Variants in FBXL7 observed in about 807,000 individuals in gnomAD.
FBXL7 encodes F-box and leucine rich repeat protein 7.
A neutral mutation model predicts 38.3 loss-of-function variants in FBXL7; 12 were observed. That is an observed-to-expected ratio of 0.31 (90% CI 0.20 to 0.51). FBXL7 has a LOEUF of 0.51. Ranked by LOEUF, FBXL7 falls within the 20% of genes least tolerant of loss-of-function variation. The pLI, the probability that FBXL7 is intolerant of heterozygous loss-of-function variation, is 0.98. For missense variants in FBXL7, 567 were observed against 676.4 expected (o/e 0.84, Z 1.79); for synonymous variants, 297 against 300.9 (o/e 0.99, Z 0.13).
intron 2 of FBXL7, among the ~76,000 whole-genome samples, chr5:15,648,226 C>G (rs1249009177): frequency 6.6e-6 from 1 of 152,164 alleles, no homozygotes; most frequent in Admixed American, 6.5e-5. Flanking sequence ...AGATGAGATG[C>G]TAAATTTATT....
intron 1 of FBXL7, among the ~76,000 whole-genome samples, chr5:15,597,578 C>T (rs1355463509): frequency 6.6e-6 from 1 of 150,488 alleles, no homozygotes; most frequent in African/African-American, 2.5e-5. Context: ...AATTACGTTC[C>T]AACACAGTTT....
rs751346415 is a variant in FBXL7, at chr5:15,696,121, C to T, written c.127+80049C>T. Among the ~76,000 whole-genome samples, 7 of 152,234 alleles carry T rather than the reference C, an allele frequency of 4.6e-5. No homozygotes were observed. The South Asian group carries it at 6.2e-4, about 14-fold the overall frequency. On this transcript the variant is annotated intron_variant, in intron 2 of 3. Coordinates refer to ENST00000504595, the MANE Select transcript of FBXL7 (RefSeq NM_012304.5). Reference sequence around the variant, plus strand: ...CCTTGTCCTGCTGAATACATCTGGCCGAAAGCTCTTCCTTTCTGGGAGTGA... The same window carrying T: ...CCTTGTCCTGCTGAATACATCTGGCTGAAAGCTCTTCCTTTCTGGGAGTGA...
chr5:15,516,809 AT>A (rs1330377895), intron 1 of FBXL7, among the ~76,000 whole-genome samples: 1 of 151,928 alleles, frequency 6.6e-6, no homozygotes, highest in Non-Finnish European at 1.5e-5. Context: ...TTTGGTCGGC[AT>A]TTCTCCTTGC....
chr5:15,784,883 C>T (rs960761558), intron 2 of FBXL7, among the ~76,000 whole-genome samples: 2 of 152,188 alleles, frequency 1.3e-5, no homozygotes, highest in African/African-American at 4.8e-5. Context: ...AGCACACACA[C>T]GCACAAACAC....
intron 1 of FBXL7, among the ~76,000 whole-genome samples, chr5:15,604,884 G>A (rs1321633516): frequency 6.6e-6 from 1 of 152,078 alleles, no homozygotes; most frequent in Non-Finnish European, 1.5e-5. Flanking sequence ...TAGGCAATAA[G>A]GGGAATCCCC....
At chr5:15,802,251 C>T (rs1737589535) in intron 2 of FBXL7, among the ~76,000 whole-genome samples, 1 of 152,114 alleles carries the variant, frequency 6.6e-6, no homozygotes, top group Non-Finnish European at 1.5e-5. Context: ...CACTTTCCAC[C>T]CAGTAGCCAG....
At position 15,810,714 on chromosome 5, in the gene FBXL7, C is replaced by T. The variant is rs147635698; in HGVS notation, c.128-117176C>T. ...ATTGTTAGTTATAATTCGGCTGCCA[C>T]CATATTTTTCTTTTATAATACTTAC... On this transcript the variant is annotated intron_variant, in intron 2 of 3. Coordinates refer to ENST00000504595, the MANE Select transcript of FBXL7 (RefSeq NM_012304.5). Among the ~76,000 whole-genome samples, 357 of 152,178 alleles carry T rather than the reference C, an allele frequency of 2.3e-3. 2 individuals are homozygous for T. Among genetic ancestry groups the T allele is most frequent in the African/African-American group, 8.3e-3 (343 of 41,522 alleles).
chr5:15,776,038 A>C (rs1474382466), intron 2 of FBXL7, among the ~76,000 whole-genome samples: 2 of 152,150 alleles, frequency 1.3e-5, no homozygotes, highest in Admixed American at 1.3e-4. Context: ...GAGTTTCATT[A>C]ATGCAAAATG....
At chr5:15,793,554 A>C (rs912425014) in intron 2 of FBXL7, among the ~76,000 whole-genome samples, 1 of 152,204 alleles carries the variant, frequency 6.6e-6, no homozygotes, top group African/African-American at 2.4e-5. Flanking sequence ...AAATAAGGTG[A>C]CGTTGCTAGG....
chr5:15,830,937 T>C (rs999304365), intron 2 of FBXL7, among the ~76,000 whole-genome samples: 4 of 152,100 alleles, frequency 2.6e-5, no homozygotes, highest in African/African-American at 9.7e-5. Flanking sequence ...CCTTAGAGTC[T>C]AGTTTCCTCC....
At chr5:15,766,203 G>A (rs571260897) in intron 2 of FBXL7, among the ~76,000 whole-genome samples, 8 of 152,072 alleles carry the variant, frequency 5.3e-5, no homozygotes, top group Non-Finnish European at 1.0e-4. Flanking sequence ...GCCTTACATC[G>A]GCCTCCTAGC....
At chr5:15,509,438 C>G (rs1033098199) in intron 1 of FBXL7, among the ~76,000 whole-genome samples, 6 of 152,170 alleles carry the variant, frequency 3.9e-5, no homozygotes, top group East Asian at 3.8e-4. Context: ...CTTCCTGATT[C>G]ACAGAAAGAC....
intron 1 of FBXL7, among the ~76,000 whole-genome samples, chr5:15,574,974 T>C (rs1738907809): frequency 6.6e-6 from 1 of 151,240 alleles, no homozygotes; most frequent in East Asian, 1.9e-4. Flanking sequence ...ACCAGTGCAG[T>C]TTTGCCTCCC....
intron 2 of FBXL7, among the ~76,000 whole-genome samples, chr5:15,746,947 T>C (rs1736031630): frequency 6.6e-6 from 1 of 152,168 alleles, no homozygotes; most frequent in Non-Finnish European, 1.5e-5. Flanking sequence ...CTGTAAAAGT[T>C]TCTTAACACT....
chr5:15,768,376 A>G (rs547772854), intron 2 of FBXL7, among the ~76,000 whole-genome samples: 1 of 152,026 alleles, frequency 6.6e-6, no homozygotes, highest in Non-Finnish European at 1.5e-5. Flanking sequence ...CTGAAAATAC[A>G]AAAAATTAGC....
At chr5:15,667,724 T>C (rs1742332053) in intron 2 of FBXL7, among the ~76,000 whole-genome samples, 1 of 152,188 alleles carries the variant, frequency 6.6e-6, no homozygotes, top group African/African-American at 2.4e-5. Context: ...CTTGTAGGCT[T>C]AAAATCTTGC....
chr5:15,900,103 C>T (rs1033657403), intron 2 of FBXL7, among the ~76,000 whole-genome samples: 1 of 151,914 alleles, frequency 6.6e-6, no homozygotes, highest in African/African-American at 2.4e-5. Flanking sequence ...CTACTTGGGA[C>T]AGCCTTCTGT....
chr5:15,914,763 C>A (rs1269477747), intron 2 of FBXL7, among the ~76,000 whole-genome samples: 2 of 152,132 alleles, frequency 1.3e-5, no homozygotes, highest in African/African-American at 2.4e-5. Context: ...TAGGACCGAG[C>A]GAGCACATTC....
At chr5:15,858,387 G>A (rs909124601) in intron 2 of FBXL7, among the ~76,000 whole-genome samples, 14 of 151,964 alleles carry the variant, frequency 9.2e-5, no homozygotes, top group African/African-American at 3.1e-4. Context: ...ATTTTATTCA[G>A]GAAAGAGGTT....
Sources: gnomAD v4.1 joint callset for allele counts (sites outside exome capture counted in the v4.1 genomes callset) on GRCh38, gnomAD v4.1.1 for gene constraint, MANE v1.5 for transcripts, NCBI Gene and HGNC (gene_info 2026-07-23, HGNC 2026-07-21) for gene names.